ATP10A: variants seen among roughly 807,000 people sequenced by gnomAD.
ATP10A encodes phospholipid-transporting ATPase VA.
In ATP10A, 111 loss-of-function variants were observed where a neutral mutation model predicts 147.8. The observed-to-expected ratio is 0.75, with a 90% CI of 0.64 to 0.88. The LOEUF (loss-of-function observed/expected upper bound fraction) is 0.88, where lower values mean the gene tolerates loss of function less well. Among genes scored for constraint, ATP10A ranks in the 40% least tolerant of loss-of-function variants. The probability of loss-of-function intolerance (pLI) is 0.00; values close to 1 mark genes in which losing one functional copy is unlikely to be tolerated. For missense variants in ATP10A, 1,927 were observed against 1,959.0 expected, an observed-to-expected ratio of 0.98 and a Z score of 0.31; for synonymous variants, 875 against 841.6, an observed-to-expected ratio of 1.04 and a Z score of -0.69.
At chr15:25,740,385 G>A (rs1407417998) in intron 2 of ATP10A, among the ~76,000 whole-genome samples, 1 of 152,232 alleles carries the variant, frequency 6.6e-6, no homozygotes, top group Non-Finnish European at 1.5e-5. Context: ...CGCTCCAGGT[G>A]GAAATCTGTG....
rs1055996103 is a variant in ATP10A, at chr15:25,725,943, A to T, written c.979+8T>A. 1.9e-6 allele frequency: 3 copies of T among 1,611,938 alleles called. No individual in the cohort carries two copies. The African/African-American group carries it at 4.0e-5, about 22-fold the overall frequency. On this transcript the variant is annotated splice_region_variant and intron_variant, in intron 5 of 20. Coordinates refer to ENST00000555815, the MANE Select transcript of ATP10A (RefSeq NM_024490.4). ...CCCACTCATTTCCGATCCATCTAGG[A>T]GACTTACCGACTGCTGAAAACAGAG...
chr15:25,791,530 A>G (rs1314095427), intron 1 of ATP10A, among the ~76,000 whole-genome samples: 3 of 152,008 alleles, frequency 2.0e-5, no homozygotes, highest in Non-Finnish European at 4.4e-5. Flanking sequence ...GGGAGTAGCT[A>G]ACATGCACCA....
chr15:25,674,820 T>G (rs1321242776), downstream of ATP10A, among the ~76,000 whole-genome samples: 4 of 152,244 alleles, frequency 2.6e-5, no homozygotes, highest in Non-Finnish European at 2.9e-5. Context: ...AGAAGGCAGC[T>G]GTGCTGAAAG....
Position 25,835,836 on chromosome 15 carries a change from C to T in ATP10A, c.449+26812G>A, listed in dbSNP as rs187124673. 4.3e-3 allele frequency among the ~76,000 whole-genome samples: 660 copies of T among 152,214 alleles called. 2 individuals are homozygous for T. Among genetic ancestry groups the T allele is most frequent in the Non-Finnish European group, 4.8e-3 (326 of 68,006 alleles). On this transcript the variant is annotated intron_variant, in intron 1 of 20. Coordinates refer to ENST00000555815, the MANE Select transcript of ATP10A (RefSeq NM_024490.4). The stretch of plus-strand genomic sequence containing the variant: ...TTTATTTATCTATTTATTTTTGAGA[C>T]GGAGTCTCACTCTGTCGCCAAGGCT...
At position 25,716,607 on chromosome 15, in the gene ATP10A, G is replaced by A. The variant is rs1901826769; in HGVS notation, c.1776+123C>T. On this transcript the variant is annotated intron_variant, in intron 9 of 20. Transcript: ENST00000555815. ...AAGCACCCCACCGCATCCCCCTTAG[G>A]TCACGATGTGCCAAGAGCGCTTGCT... is the stretch of plus-strand genomic sequence containing the variant. 5 of 971,558 alleles carry A rather than the reference G, an allele frequency of 5.1e-6. 1 individual carries two copies. The South Asian group carries it at 9.1e-5, about 18-fold the overall frequency. The allele number at this position is 971,558 out of a possible 1,614,324, so 60.2% of individuals were successfully genotyped here. A position where few individuals can be genotyped will look rare whatever the true frequency, so the allele number is the denominator to read the frequency against.
At chr15:25,680,559 T>A (rs1275691577) in intron 19 of ATP10A, among the ~76,000 whole-genome samples, 3 of 151,592 alleles carry the variant, frequency 2.0e-5, no homozygotes, top group Non-Finnish European at 2.9e-5. Context: ...AAGGAGAGAA[T>A]GTGGTGGTGG....
At chr15:25,779,739 TAAC>T (rs1366877606) in intron 2 of ATP10A, among the ~76,000 whole-genome samples, 6 of 152,160 alleles carry the variant, frequency 3.9e-5, no homozygotes, top group African/African-American at 1.2e-4. Flanking sequence ...AGCACTCCAT[TAAC>T]AACAACAAAA....
At chr15:25,729,522 C>T (rs1234529868) in intron 3 of ATP10A, among the ~76,000 whole-genome samples, 2 of 152,186 alleles carry the variant, frequency 1.3e-5, no homozygotes, top group African/African-American at 4.8e-5. Flanking sequence ...GTTCCTCACA[C>T]AGGCACCGGA....
chr15:25,858,124 T>C (rs748212619), intron 1 of ATP10A, among the ~76,000 whole-genome samples: 1 of 152,106 alleles, frequency 6.6e-6, no homozygotes, highest in Non-Finnish European at 1.5e-5. Flanking sequence ...CCAACAAACA[T>C]GTGAATGGCA....
intron 3 of ATP10A, among the ~76,000 whole-genome samples, chr15:25,735,001 AGCG>A (rs1887180456): frequency 5.8e-4 from 1 of 1,714 alleles, no homozygotes; most frequent in Non-Finnish European, 2.1e-3. Context: ...GCGTGGTGGG[AGCG>A]GGGGGGGGGT....
At position 25,721,669 on chromosome 15, in the gene ATP10A, G is replaced by A. The variant is rs1902238985; in HGVS notation, c.1351C>T (p.His451Tyr). 1 of 1,612,554 alleles carries A rather than the reference G, an allele frequency of 6.2e-7. No individual in the cohort carries two copies. Among genetic ancestry groups the A allele is most frequent in the African/African-American group, 1.3e-5 (1 of 74,848 alleles). Residue 451 changes from histidine to tyrosine, a missense_variant, in exon 7 of 21, where the codon CAT becomes TAT. His to Tyr is a moderately conservative substitution (Grantham distance 83, BLOSUM62 2). Transcript: ENST00000555815. ...CCCCCAGACTCACCATTTGCATCAT[G>A]AGAATATTCTACACCAGACACAGTG... Reference protein sequence around the residue: ...RCTVSGVEYSHDANAQRLARY... With the variant: ...RCTVSGVEYSYDANAQRLARY...
rs11376348 is a variant in ATP10A, at chr15:25,824,473, C to CAA, written c.449+38173_449+38174dup. On this transcript the variant is annotated intron_variant, in intron 1 of 20. Coordinates refer to ENST00000555815, the MANE Select transcript of ATP10A (RefSeq NM_024490.4). ...TGGACAAGGGAGCAAGACCCTGTCT[C>CAA]AAAAAAAAAAAAATAGAAAAAAGAA... Among the ~76,000 whole-genome samples, 1,156 of 138,200 alleles carry CAA rather than the reference C, an allele frequency of 8.4e-3. 6 individuals carry two copies. Among genetic ancestry groups the CAA allele is most frequent in the East Asian group, 0.013 (63 of 4,806 alleles). 90.7% of individuals were successfully genotyped at this position (138,200 alleles called of 152,430 possible).
intron 1 of ATP10A, among the ~76,000 whole-genome samples, chr15:25,855,899 C>A (rs937406968): frequency 2.6e-5 from 4 of 152,084 alleles, no homozygotes; most frequent in African/African-American, 9.7e-5. Flanking sequence ...CTTATTAATG[C>A]ATTAATGGAA....
At position 25,731,907 on chromosome 15, in the gene ATP10A, G is replaced by A. The variant is rs571359116; in HGVS notation, c.740+4149C>T. On this transcript the variant is annotated intron_variant, in intron 3 of 20. Coordinates refer to ENST00000555815, the MANE Select transcript of ATP10A (RefSeq NM_024490.4). ...GTCTCGCTCTGTTGTCCAGGCTGGA[G>A]TGCAGTGGTGTGATCATAGCTCACT... is the stretch of plus-strand genomic sequence containing the variant. 1.6e-4 allele frequency among the ~76,000 whole-genome samples: 24 copies of A among 152,266 alleles called. No homozygotes were observed. In the South Asian group the frequency reaches 4.8e-3, roughly 30 times the overall value.
At chr15:25,856,795 C>T (rs1474173270) in intron 1 of ATP10A, among the ~76,000 whole-genome samples, 1 of 152,066 alleles carries the variant, frequency 6.6e-6, no homozygotes, top group Non-Finnish European at 1.5e-5. Flanking sequence ...AAATTCAAAC[C>T]TGAGCCTGAT....
chr15:25,725,287 T>C (rs937844154), intron 5 of ATP10A, among the ~76,000 whole-genome samples: 1 of 152,204 alleles, frequency 6.6e-6, no homozygotes, highest in African/African-American at 2.4e-5. Context: ...AAAAAATGTC[T>C]TCATAAAACC....
At chr15:25,734,066 G>A (rs1887122041) in intron 3 of ATP10A, among the ~76,000 whole-genome samples, 1 of 152,166 alleles carries the variant, frequency 6.6e-6, no homozygotes, top group African/African-American at 2.4e-5. Context: ...GAGGTGCTGG[G>A]GCTGAGCGCA....
At chr15:25,714,952 T>G (rs994479850) in intron 9 of ATP10A, among the ~76,000 whole-genome samples, 2 of 141,304 alleles carry the variant, frequency 1.4e-5, no homozygotes, top group Non-Finnish European at 3.0e-5. Context: ...AGAAACAAAA[T>G]GAATGACACA....
chr15:25,860,044 G>A (rs1351595266), intron 1 of ATP10A, among the ~76,000 whole-genome samples: 1 of 152,156 alleles, frequency 6.6e-6, no homozygotes. Context: ...GGTCTTCTCT[G>A]CAGTCAACCA....
Sources: allele counts gnomAD v4.1 joint callset (sites outside exome capture counted in the v4.1 genomes callset), GRCh38; gene constraint gnomAD v4.1.1; transcripts MANE v1.5; gene names NCBI Gene and HGNC (gene_info 2026-07-23, HGNC 2026-07-21).